Variants in SLC5A7 observed in about 807,000 individuals in gnomAD.
SLC5A7 encodes the protein high affinity choline transporter 1.
Under a neutral mutation model 55.4 loss-of-function variants are expected in SLC5A7, and 19 were observed. The ratio of observed to expected loss-of-function variants is 0.34; its 90% CI spans 0.24 to 0.50. The LOEUF (loss-of-function observed/expected upper bound fraction) is 0.50. SLC5A7 is among the 20% of genes least tolerant of loss of function. The pLI is 0.98. For missense variants in SLC5A7, 506 were observed against 705.3 expected (o/e 0.72, Z 3.20); for synonymous variants, 265 against 263.7 (o/e 1.00, Z -0.05).
chr2:108,002,199 T>A (rs1677938986), intron 6 of SLC5A7, among the ~76,000 whole-genome samples, 159 bp downstream of exon 6: 1 of 152,128 alleles, frequency 6.6e-6, no homozygotes, highest in African/African-American at 2.4e-5. Context: ...AGGGCCGGAC[T>A]ATCGTGGCTG....
At position 108,012,964 on chromosome 2, in the gene SLC5A7, A is replaced by T. The variant is rs1404705002; in HGVS notation, c.*2103A>T. ...TTTTATCCATCCTGTCACCCTGAGC[A>T]TCTGTCTCAACCTGCTGAGGCACAG... On this transcript the variant is annotated 3_prime_UTR_variant, in exon 9 of 9. Coordinates refer to ENST00000264047, the MANE Select transcript of SLC5A7 (RefSeq NM_021815.5). 1 of 152,120 alleles carries T rather than the reference A, an allele frequency of 6.6e-6. No individual in the cohort carries two copies. Among genetic ancestry groups the T allele is most frequent in the East Asian group, 1.9e-4 (1 of 5,178 alleles). 9.4% of individuals were successfully genotyped at this position (152,120 alleles called of 1,614,324 possible).
chr2:107,993,272 T>G, intron 4 of SLC5A7, 145 bp downstream of exon 4: 1 of 859,544 alleles, frequency 1.2e-6, no homozygotes, highest in Non-Finnish European at 1.7e-6. Flanking sequence ...AAAAGCTTAA[T>G]GGAAATTCTA....
intron 7 of SLC5A7, among the ~76,000 whole-genome samples, chr2:108,007,104 G>C (rs333223): frequency 6.6e-6 from 1 of 151,886 alleles, no homozygotes; most frequent in Non-Finnish European, 1.5e-5. Context: ...TTTATGTTCC[G>C]GTGCTGTAAC....
chr2:107,988,468 T>C (rs1677329948), intron 2 of SLC5A7, 135 bp downstream of exon 2: 5 of 610,694 alleles, frequency 8.2e-6, no homozygotes, highest in Non-Finnish European at 1.2e-5. Context: ...ACTAGTTATA[T>C]ATATTTTAAA....
chr2:108,005,254 A>C (rs982854459), intron 6 of SLC5A7, among the ~76,000 whole-genome samples: 2 of 152,238 alleles, frequency 1.3e-5, no homozygotes, highest in Non-Finnish European at 2.9e-5. Context: ...AGTTCCAGGG[A>C]AAGACCATGC....
intron 7 of SLC5A7, among the ~76,000 whole-genome samples, 176 bp downstream of exon 7, chr2:108,006,378 T>G (rs1678124853): frequency 9.0e-6 from 1 of 111,098 alleles, no homozygotes; most frequent in African/African-American, 4.0e-5. Context: ...GCGGCCTCCA[T>G]TTTTTTTTTT....
Position 108,011,818 on chromosome 2 carries a change from TTTCATTGAATACTTTATGGGAAGC to T in SLC5A7, c.*958_*981del. The T allele has an allele frequency of 6.6e-6, 1 of 152,258 alleles. No homozygotes were observed. Among genetic ancestry groups the T allele is most frequent in the East Asian group, 1.9e-4 (1 of 5,172 alleles). The allele number at this position is 152,258 out of a possible 1,614,324, so 9.4% of individuals were successfully genotyped here. On this transcript the variant is annotated 3_prime_UTR_variant, in exon 9 of 9. Transcript: ENST00000264047. Reference sequence around the variant, plus strand: ...AGGCACACTGCTAAATTTACGTATATTTCATTGAATACTTTATGGGAAGCCTCCACAACACCTCCTGATAGTAGT... The same window carrying T: ...AGGCACACTGCTAAATTTACGTATATCTCCACAACACCTCCTGATAGTAGT...
intron 8 of SLC5A7, 85 bp downstream of exon 8, chr2:108,008,767 T>C (rs745386526): frequency 5.4e-5 from 48 of 886,006 alleles, no homozygotes; most frequent in Non-Finnish European, 6.7e-5. Flanking sequence ...TACAGTATTA[T>C]ATATTTATTA....
At position 108,002,111 on chromosome 2, in the gene SLC5A7, A is replaced by G. The variant is rs1221340926; in HGVS notation, c.741+71A>G. The G allele has an allele frequency of 3.9e-6, 6 of 1,546,738 alleles. No individual in the cohort carries two copies. In the East Asian group the frequency reaches 1.1e-4, roughly 29 times the overall value. The stretch of plus-strand genomic sequence containing the variant: ...AATCAAATTTGTTTTCACGATTTTC[A>G]TATTCATAGTAAAAAAATGTGCTTG... On this transcript the variant is annotated intron_variant, in intron 6 of 8. Transcript: ENST00000264047.
At chr2:108,009,706 T>TATC (rs2104381526) in intron 8 of SLC5A7, among the ~76,000 whole-genome samples, 1 of 152,318 alleles carries the variant, frequency 6.6e-6, no homozygotes, top group African/African-American at 2.4e-5. Context: ...TTATCCAGTC[T>TATC]ATCACTGATG....
intron 6 of SLC5A7, among the ~76,000 whole-genome samples, chr2:108,005,495 C>T (rs915444273): frequency 3.3e-5 from 5 of 152,148 alleles, no homozygotes; most frequent in African/African-American, 9.7e-5. Context: ...GAAATAATTG[C>T]TGTATGTAAT....
At chr2:108,001,474 CCATCCCGG>C (rs1677894967) in intron 5 of SLC5A7, among the ~76,000 whole-genome samples, 1 of 151,598 alleles carries the variant, frequency 6.6e-6, no homozygotes, top group East Asian at 1.9e-4. Context: ...GAGATCGAGA[CCATCCCGG>C]CTATAACGGT....
chr2:107,992,408 C>T (rs1192109198), intron 3 of SLC5A7, among the ~76,000 whole-genome samples, 189 bp downstream of exon 3: 1 of 152,162 alleles, frequency 6.6e-6, no homozygotes, highest in East Asian at 1.9e-4. Flanking sequence ...TATTTGATCT[C>T]TTGGTTAGGA....
intron 5 of SLC5A7, among the ~76,000 whole-genome samples, chr2:108,001,402 G>T (rs1270923557): frequency 6.6e-6 from 1 of 152,030 alleles, no homozygotes. Context: ...GGCCGGGCGC[G>T]GTGGCTCACG....
intron 4 of SLC5A7, among the ~76,000 whole-genome samples, chr2:107,994,173 C>G (rs1227280472): frequency 6.6e-6 from 1 of 152,160 alleles, no homozygotes; most frequent in Non-Finnish European, 1.5e-5. Context: ...CACTGCCCCG[C>G]CTTCAGCACA....
rs1204580570 is a variant in SLC5A7, at chr2:108,012,693, G to A, written c.*1832G>A. ...TTACTTATATTCATCTATTTTCTCA[G>A]AATCTATTCAGTACCCTATGGAGTA... On this transcript the variant is annotated 3_prime_UTR_variant, in exon 9 of 9. Transcript: ENST00000264047. The A allele has an allele frequency of 6.6e-6, 1 of 151,912 alleles. No homozygotes were observed. Among genetic ancestry groups the A allele is most frequent in the Non-Finnish European group, 1.5e-5 (1 of 67,986 alleles). 9.4% of individuals were successfully genotyped at this position (151,912 alleles called of 1,614,324 possible). A position where few individuals can be genotyped will look rare whatever the true frequency, so the allele number is the denominator to read the frequency against.
Position 108,010,550 on chromosome 2 carries a change from C to G in SLC5A7, c.1432C>G (p.Pro478Ala). 1 of 1,613,704 alleles carries G rather than the reference C, an allele frequency of 6.2e-7. No individual in the cohort carries two copies. The highest frequency in any genetic ancestry group is 8.5e-7 in the Non-Finnish European group (1 of 1,179,822). Reference sequence around the variant, plus strand: ...TAATGGTATATATAATCAGAAATTTCCATTTAAAACACTTGCCATGGTTAC... The same window carrying G: ...TAATGGTATATATAATCAGAAATTTGCATTTAAAACACTTGCCATGGTTAC... ...DDNGIYNQKF[P>A]FKTLAMVTSF... is the part of the protein sequence containing the mutation. The change falls in exon 9 of 9, where the codon CCA (proline) becomes GCA (alanine). Residue 478 changes from proline to alanine, a missense_variant. Around this residue, in one of 4 missense-constraint regions of SLC5A7, gnomAD observed 137 missense variants for 143.6 expected, o/e 0.95. Coordinates refer to ENST00000264047, the MANE Select transcript of SLC5A7 (RefSeq NM_021815.5).
intron 8 of SLC5A7, among the ~76,000 whole-genome samples, chr2:108,009,328 T>C (rs993981909): frequency 4.6e-5 from 7 of 152,142 alleles, no homozygotes; most frequent in African/African-American, 1.7e-4. Flanking sequence ...ACAAGGCATT[T>C]TCTTTTTGTT....
At chr2:107,987,783 C>T (rs907926506) in intron 1 of SLC5A7, among the ~76,000 whole-genome samples, 1 of 152,108 alleles carries the variant, frequency 6.6e-6, no homozygotes, top group Admixed American at 6.5e-5. Context: ...TTGACAGTTA[C>T]TGAGTTAAGA....
Sources: allele counts gnomAD v4.1 joint callset (sites outside exome capture counted in the v4.1 genomes callset), GRCh38; gene constraint gnomAD v4.1.1; regional missense constraint gnomAD v4.1.1; transcripts MANE v1.5; gene names NCBI Gene and HGNC (gene_info 2026-07-23, HGNC 2026-07-21).